Variants in GRAMD1B observed in about 807,000 individuals in gnomAD.
GRAMD1B encodes the protein protein Aster-B.
In GRAMD1B, 37 loss-of-function variants were observed where a neutral mutation model predicts 99.7. The ratio of observed to expected loss-of-function variants is 0.37; its 90% CI spans 0.29 to 0.49. GRAMD1B has a LOEUF of 0.49. Ranked by LOEUF, GRAMD1B falls within the 20% of genes least tolerant of loss-of-function variation. The pLI, the probability that GRAMD1B is intolerant of heterozygous loss-of-function variation, is 0.98. For synonymous variants in GRAMD1B, 427 were observed against 387.6 expected (o/e 1.10, Z -1.19); for missense variants, 888 against 1,009.2 (o/e 0.88, Z 1.63).
At chr11:123,506,427 G>A (rs11219176) in intron 2 of GRAMD1B, among the ~76,000 whole-genome samples, 18,037 of 151,338 alleles carry the variant, frequency 0.12, 1,443 homozygotes, top group East Asian at 0.44. Context: ...CTTTAACTTA[G>A]TGTATAAGTA....
intron 1 of GRAMD1B, among the ~76,000 whole-genome samples, chr11:123,436,910 T>C (rs1291314309): frequency 3.3e-5 from 5 of 152,300 alleles, no homozygotes; most frequent in Middle Eastern, 3.4e-3. Flanking sequence ...CCGCTCACCC[T>C]ACCCCACAAC....
In GRAMD1B at chr11:123,430,998, C is replaced by A. The variant is rs1440257635; in HGVS notation, c.206C>A (p.Ala69Asp). ...GLARDLPAVLAPGKEFLQLPS... is the reference protein window; with the variant it reads ...GLARDLPAVLDPGKEFLQLPS... ...GCCCGGGACCTGCCCGCCGTCTTGG[C>A]CCCCGGCAAGGAGTTCCTGCAGCTG... Residue 69 changes from alanine (A) to aspartate (D), a missense_variant, in exon 1 of 20, where the codon GCC (alanine) becomes GAC (aspartate). Ala to Asp is a moderately radical substitution (Grantham distance 126). This residue lies in a region of GRAMD1B where 233 missense variants were observed against 154.6 expected (regional missense o/e 1.51). Transcript: ENST00000635736. The A allele has an allele frequency of 2.8e-6, 2 of 702,826 alleles. No individual in the cohort carries two copies. Among genetic ancestry groups the A allele is most frequent in the Non-Finnish European group, 5.2e-6 (2 of 384,948 alleles). 43.5% of individuals were successfully genotyped at this position (702,826 alleles called of 1,614,324 possible). A position where few individuals can be genotyped will look rare whatever the true frequency, so the allele number is the denominator to read the frequency against.
At chr11:123,567,925 G>A (rs1409227053) in intron 2 of GRAMD1B, among the ~76,000 whole-genome samples, 1 of 152,170 alleles carries the variant, frequency 6.6e-6, no homozygotes, top group Non-Finnish European at 1.5e-5. Flanking sequence ...ATGTTAATTA[G>A]TCAATTAATA....
chr11:123,454,222 G>T (rs1230543861), intron 1 of GRAMD1B, among the ~76,000 whole-genome samples: 2 of 152,166 alleles, frequency 1.3e-5, no homozygotes, highest in Admixed American at 6.5e-5. Flanking sequence ...ATAAGATAAG[G>T]CATCTCTCCA....
chr11:123,437,008 G>T (rs1373726792), intron 1 of GRAMD1B, among the ~76,000 whole-genome samples: 3 of 152,044 alleles, frequency 2.0e-5, no homozygotes, highest in African/African-American at 4.8e-5. Flanking sequence ...GCGGTGTTTG[G>T]TTTTTTGTCC....
At chr11:123,486,406 G>A (rs769288759) in intron 2 of GRAMD1B, among the ~76,000 whole-genome samples, 27 of 151,928 alleles carry the variant, frequency 1.8e-4, no homozygotes, top group South Asian at 4.1e-4. Context: ...AAAATTAGCC[G>A]GGCATGGTGG....
At chr11:123,603,328 C>T in intron 8 of GRAMD1B, 98 bp from the exon 9 acceptor site, 1 of 731,410 alleles carries the variant, frequency 1.4e-6, no homozygotes, top group Non-Finnish European at 2.4e-6. Flanking sequence ...AGAGGAGTTT[C>T]TCCTCTTCTC....
chr11:123,544,772 G>A (rs1440194694), intron 2 of GRAMD1B, among the ~76,000 whole-genome samples: 1 of 152,220 alleles, frequency 6.6e-6, no homozygotes, highest in African/African-American at 2.4e-5. Flanking sequence ...AGGGCCCCCG[G>A]GCCCCAAAGT....
At chr11:123,606,472 G>T in intron 10 of GRAMD1B, 137 bp from the exon 11 acceptor site, 1 of 721,956 alleles carries the variant, frequency 1.4e-6, no homozygotes, top group Non-Finnish European at 2.3e-6. Context: ...AAGGGCTTTG[G>T]AGCCTGACTC....
At chr11:123,578,433 A>G in intron 3 of GRAMD1B, 11 of 1,528,664 alleles carry the variant, frequency 7.2e-6, no homozygotes, top group Non-Finnish European at 9.6e-6. Flanking sequence ...TCTCAAAAGT[A>G]AGCCATCTTT....
In GRAMD1B at chr11:123,389,194, C is replaced by A. The variant is rs1270423855; in HGVS notation, c.-176+30395C>A. 2.0e-5 allele frequency among the ~76,000 whole-genome samples: 3 copies of A among 152,152 alleles called. No homozygotes were observed. The East Asian group carries it at 5.8e-4, about 29-fold the overall frequency. On this transcript the variant is annotated intron_variant, in intron 1 of 20. Transcript: ENST00000638157. ...GGTCAGGGGATTGAGACCATCCTGG[C>A]TAACATGGTGAAACCCCGTCTTTAC...
At chr11:123,370,836 G>A (rs570360670) in intron 1 of GRAMD1B, among the ~76,000 whole-genome samples, 26 of 152,062 alleles carry the variant, frequency 1.7e-4, no homozygotes, top group Non-Finnish European at 2.5e-4. Flanking sequence ...GCTCTATGTG[G>A]CATGATCGTC....
At chr11:123,382,184 C>A (rs1946900511) in intron 1 of GRAMD1B, among the ~76,000 whole-genome samples, 1 of 152,292 alleles carries the variant, frequency 6.6e-6, no homozygotes, top group African/African-American at 2.4e-5. Context: ...CATTCATTAT[C>A]TTTTTGAAAA....
At chr11:123,491,468 C>A (rs1938551916) in intron 2 of GRAMD1B, among the ~76,000 whole-genome samples, 1 of 152,158 alleles carries the variant, frequency 6.6e-6, no homozygotes, top group Non-Finnish European at 1.5e-5. Context: ...CTGCCCCTCC[C>A]CTTCCCCCAG....
chr11:123,600,312 C>T (rs1316232780), intron 7 of GRAMD1B, among the ~76,000 whole-genome samples, 156 bp from the exon 8 acceptor site: 1 of 152,172 alleles, frequency 6.6e-6, no homozygotes, highest in Non-Finnish European at 1.5e-5. Flanking sequence ...GTGCTGACCC[C>T]ATCACTAAAG....
At chr11:123,398,279 A>G (rs889719778) in intron 1 of GRAMD1B, among the ~76,000 whole-genome samples, 1 of 152,240 alleles carries the variant, frequency 6.6e-6, no homozygotes, top group African/African-American at 2.4e-5. Flanking sequence ...GTTAACTTCA[A>G]GAAGGCACTG....
At chr11:123,460,476 GT>G (rs763923087) in intron 1 of GRAMD1B, 3 of 152,190 alleles carry the variant, frequency 2.0e-5, no homozygotes, top group Non-Finnish European at 2.9e-5. Context: ...GGGCAGATTT[GT>G]GGCAATTACA....
At chr11:123,575,777 C>T (rs575903891) in intron 2 of GRAMD1B, among the ~76,000 whole-genome samples, 4 of 151,960 alleles carry the variant, frequency 2.6e-5, no homozygotes, top group African/African-American at 4.8e-5. Flanking sequence ...TGGTAGCAAA[C>T]GAGTTTAGAG....
chr11:123,540,627 A>G (rs1429014996), intron 2 of GRAMD1B, among the ~76,000 whole-genome samples: 1 of 152,002 alleles, frequency 6.6e-6, no homozygotes, highest in African/African-American at 2.4e-5. Context: ...CAAATTATCC[A>G]TGGGCATTGT....
Sources: allele counts gnomAD v4.1 joint callset (sites outside exome capture counted in the v4.1 genomes callset), GRCh38; gene constraint gnomAD v4.1.1; regional missense constraint gnomAD v4.1.1; transcripts MANE v1.5; gene names NCBI Gene and HGNC (gene_info 2026-07-23, HGNC 2026-07-21).